Variants in TNS3 observed in about 807,000 individuals in gnomAD.
TNS3 encodes the protein tensin-3.
A neutral mutation model predicts 140.9 loss-of-function variants in TNS3; 45 were observed. That is an observed-to-expected ratio of 0.32 (90% CI 0.25 to 0.41). The LOEUF (loss-of-function observed/expected upper bound fraction) is 0.41. TNS3 is among the 10% of genes least tolerant of loss of function. The pLI is 1.00. For missense variants in TNS3, 1,716 were observed against 1,906.7 expected (o/e 0.90, Z 1.86); for synonymous variants, 815 against 788.4 (o/e 1.03, Z -0.56).
chr7:47,431,413 T>G (rs533352452), intron 8 of TNS3, among the ~76,000 whole-genome samples: 107 of 152,108 alleles, frequency 7.0e-4, no homozygotes, highest in Non-Finnish European at 1.2e-3. Context: ...GCCAACATGG[T>G]GAAACCCCAT....
At chr7:47,323,575 T>A (rs1787869676) in intron 20 of TNS3, among the ~76,000 whole-genome samples, 1 of 152,242 alleles carries the variant, frequency 6.6e-6, no homozygotes, top group South Asian at 2.1e-4. Flanking sequence ...AGTCCATTCT[T>A]CTCATGAGTT....
intron 28 of TNS3, among the ~76,000 whole-genome samples, chr7:47,280,912 C>CA (rs111232356): frequency 1.3e-3 from 166 of 127,076 alleles, no homozygotes; most frequent in South Asian, 5.3e-3. Context: ...GATTCCATCT[C>CA]AAAAAAAAAA....
At chr7:47,437,722 A>G (rs1795252910) in intron 6 of TNS3, among the ~76,000 whole-genome samples, 1 of 149,524 alleles carries the variant, frequency 6.7e-6, no homozygotes, top group South Asian at 2.1e-4. Flanking sequence ...TCTCATGGCT[A>G]CAAAATATCC....
intron 1 of TNS3, among the ~76,000 whole-genome samples, chr7:47,563,790 A>G (rs923079967): frequency 3.3e-5 from 5 of 152,326 alleles, no homozygotes; most frequent in South Asian, 2.1e-4. Context: ...CACAATCCCA[A>G]TTCCTTGCAG....
At chr7:47,384,518 T>C (rs149874544) in intron 16 of TNS3, among the ~76,000 whole-genome samples, 1 of 152,246 alleles carries the variant, frequency 6.6e-6, no homozygotes, top group Non-Finnish European at 1.5e-5. Flanking sequence ...CAACATTTTA[T>C]TGAGGCCCTG....
intron 16 of TNS3, among the ~76,000 whole-genome samples, chr7:47,380,050 G>A (rs1791653230): frequency 6.6e-6 from 1 of 152,264 alleles, no homozygotes. Flanking sequence ...CAGAGCAGGA[G>A]CGACTCAGGA....
chr7:47,505,017 G>C (rs1244958155), intron 3 of TNS3, among the ~76,000 whole-genome samples: 1 of 152,098 alleles, frequency 6.6e-6, no homozygotes, highest in African/African-American at 2.4e-5. Flanking sequence ...AGCAGCCGGC[G>C]ACAGGCTTCA....
chr7:47,466,473 G>C (rs1796721164), intron 4 of TNS3, among the ~76,000 whole-genome samples: 1 of 152,074 alleles, frequency 6.6e-6, no homozygotes, highest in Admixed American at 6.5e-5. Context: ...TCCTCTTTTT[G>C]CAATGTATTT....
intron 4 of TNS3, among the ~76,000 whole-genome samples, chr7:47,457,959 C>G (rs1436499751): frequency 6.6e-6 from 1 of 152,142 alleles, no homozygotes; most frequent in Non-Finnish European, 1.5e-5. Flanking sequence ...GAAGCTTGAG[C>G]CTATCAGGAG....
chr7:47,340,151 G>A (rs1446345886), intron 20 of TNS3, among the ~76,000 whole-genome samples: 1 of 103,084 alleles, frequency 9.7e-6, no homozygotes, highest in Non-Finnish European at 1.8e-5. Context: ...TTGAGACGGA[G>A]TCTAGCTCGT....
chr7:47,434,839 G>T (rs182325730), intron 8 of TNS3, among the ~76,000 whole-genome samples: 1 of 152,202 alleles, frequency 6.6e-6, no homozygotes, highest in Non-Finnish European at 1.5e-5. Flanking sequence ...AGGACAACAC[G>T]TTTACTGCAA....
At chr7:47,547,801 T>C (rs541788660) in intron 1 of TNS3, among the ~76,000 whole-genome samples, 1 of 152,188 alleles carries the variant, frequency 6.6e-6, no homozygotes, top group South Asian at 2.1e-4. Flanking sequence ...CAGAAGAAAA[T>C]GGAGACCACT....
intron 1 of TNS3, among the ~76,000 whole-genome samples, chr7:47,535,103 G>C (rs1230821395): frequency 6.6e-6 from 1 of 152,142 alleles, no homozygotes; most frequent in African/African-American, 2.4e-5. Context: ...CAATTTCCTA[G>C]ATGCAGGACA....
intron 8 of TNS3, among the ~76,000 whole-genome samples, chr7:47,431,571 GAC>G (rs1231474742): frequency 1.3e-5 from 2 of 152,160 alleles, no homozygotes; most frequent in Non-Finnish European, 2.9e-5. Flanking sequence ...CCAGCCTGGT[GAC>G]AGAGTGAGAC....
At chr7:47,508,072 C>T (rs948892742) in intron 2 of TNS3, among the ~76,000 whole-genome samples, 1 of 152,176 alleles carries the variant, frequency 6.6e-6, no homozygotes, top group African/African-American at 2.4e-5. Flanking sequence ...GGGAGAGGGG[C>T]CCCACATCCC....
At chr7:47,529,479 C>T (rs1799317022) in intron 1 of TNS3, among the ~76,000 whole-genome samples, 1 of 152,212 alleles carries the variant, frequency 6.6e-6, no homozygotes, top group Non-Finnish European at 1.5e-5. Flanking sequence ...GCCGTAGAGC[C>T]ACCTACTTCT....
chr7:47,345,231 C>T (rs1789265815), intron 18 of TNS3, among the ~76,000 whole-genome samples, 193 bp from the exon 19 acceptor site: 2 of 152,188 alleles, frequency 1.3e-5, no homozygotes, highest in South Asian at 2.1e-4. Context: ...AACTGGAAAA[C>T]ACTTTCACCT....
intron 9 of TNS3, among the ~76,000 whole-genome samples, chr7:47,427,617 G>C (rs1794726540): frequency 6.6e-6 from 1 of 152,234 alleles, no homozygotes; most frequent in East Asian, 1.9e-4. Flanking sequence ...AGAAGGATGG[G>C]CATAGGGCTG....
chr7:47,334,742 G>A (rs1299241798), intron 20 of TNS3, among the ~76,000 whole-genome samples: 1 of 151,450 alleles, frequency 6.6e-6, no homozygotes, highest in South Asian at 2.1e-4. Context: ...CCGAGTAGCT[G>A]GAACTACAGG....
Sources: gnomAD v4.1 joint callset for allele counts (sites outside exome capture counted in the v4.1 genomes callset) on GRCh38, gnomAD v4.1.1 for gene constraint, MANE v1.5 for transcripts, NCBI Gene and HGNC (gene_info 2026-07-23, HGNC 2026-07-21) for gene names.